Variants in GABPB1 observed in about 807,000 individuals in gnomAD.
GABPB1 encodes the protein GA-binding protein subunit beta-1.
GABPB1 carries 15 observed loss-of-function variants against 45.9 expected under a neutral mutation model. The observed-to-expected ratio is 0.33, with a 90% CI of 0.22 to 0.50. The LOEUF (loss-of-function observed/expected upper bound fraction) is 0.50. GABPB1 is among the 20% of genes least tolerant of loss of function. The pLI, the probability that GABPB1 is intolerant of heterozygous loss-of-function variation, is 0.98. For synonymous variants in GABPB1, 143 were observed against 154.4 expected, an observed-to-expected ratio of 0.93 and a Z score of 0.55; for missense variants, 252 against 457.5, an observed-to-expected ratio of 0.55 and a Z score of 4.10.
intron 1 of GABPB1, among the ~76,000 whole-genome samples, chr15:50,345,561 G>GA (rs974263340): frequency 2.2e-4 from 34 of 151,704 alleles, no homozygotes; most frequent in Admixed American, 4.6e-4. Context: ...CCCTGTCTTC[G>GA]AAAAAAAAGT....
chr15:50,292,525 C>T (rs1230035360), intron 6 of GABPB1, among the ~76,000 whole-genome samples: 1 of 151,932 alleles, frequency 6.6e-6, no homozygotes, highest in African/African-American at 2.4e-5. Context: ...ATCATTCTAC[C>T]AAGTGGTCAT....
chr15:50,306,422 G>T (rs1442596539), intron 2 of GABPB1, among the ~76,000 whole-genome samples: 1 of 152,152 alleles, frequency 6.6e-6, no homozygotes, highest in African/African-American at 2.4e-5. Flanking sequence ...CTGAGGTCAG[G>T]AGTTCGAGAC....
At chr15:50,319,425 C>A (rs1479283164) in intron 1 of GABPB1, among the ~76,000 whole-genome samples, 2 of 152,116 alleles carry the variant, frequency 1.3e-5, no homozygotes, top group African/African-American at 4.8e-5. Context: ...CAACCCTTGC[C>A]CCTCTGCCAC....
At chr15:50,312,709 A>G (rs1263337259) in intron 1 of GABPB1, among the ~76,000 whole-genome samples, 2 of 152,222 alleles carry the variant, frequency 1.3e-5, no homozygotes, top group Non-Finnish European at 2.9e-5. Flanking sequence ...TATCTTTCCA[A>G]AAATCTACAT....
At chr15:50,288,252 C>T in intron 7 of GABPB1, among the ~76,000 whole-genome samples, 1 of 152,084 alleles carries the variant, frequency 6.6e-6, no homozygotes, top group Non-Finnish European at 1.5e-5. Flanking sequence ...AGATGAGTAT[C>T]ATTGTGTTGC....
rs189179973 is a variant in GABPB1 at position 50,303,243 on chromosome 15, T to C, written c.277-120A>G. On this transcript the variant is annotated intron_variant, in intron 3 of 8. Transcript: ENST00000380877. ...CAAATAATGTAGTCAATTATTTATA[T>C]GTATATGTTAAATAGATGTTCCAGG... 313 of 774,898 alleles carry C rather than the reference T, an allele frequency of 4.0e-4. 3 individuals are homozygous for C. In the African/African-American group the frequency reaches 5.1e-3, roughly 13 times the overall value. The allele number at this position is 774,898 out of a possible 1,614,324, so 48.0% of individuals were successfully genotyped here.
At chr15:50,291,917 C>CAAAAA (rs1369368939) in intron 6 of GABPB1, among the ~76,000 whole-genome samples, 10 of 83,410 alleles carry the variant, frequency 1.2e-4, no homozygotes, top group Non-Finnish European at 2.7e-4. Context: ...GACTCTGTCT[C>CAAAAA]AAAAAAAAAA....
rs531235744 is a variant in GABPB1 at position 50,338,400 on chromosome 15, TTC to T, written c.-1+16583_-1+16584del. 2.8e-4 allele frequency among the ~76,000 whole-genome samples: 43 copies of T among 152,174 alleles called. 1 individual carries two copies. The South Asian group carries it at 8.9e-3, about 32-fold the overall frequency. ...ACTCCTTGTCTCCATTAGGTTAAAC[TTC>T]TTTGTCTTATATACAGTTACTCCCA... On this transcript the variant is annotated intron_variant, in intron 1 of 8. Transcript: ENST00000380877.
chr15:50,303,264 C>T (rs1432398029), intron 3 of GABPB1, 141 bp from the exon 4 acceptor site: 1 of 701,256 alleles, frequency 1.4e-6, no homozygotes, highest in Non-Finnish European at 2.3e-6. Flanking sequence ...AATAGATGTT[C>T]CAGGCCAGGT....
At chr15:50,279,287 T>C (rs1226307702) in intron 8 of GABPB1, among the ~76,000 whole-genome samples, 2 of 152,202 alleles carry the variant, frequency 1.3e-5, no homozygotes, top group Non-Finnish European at 2.9e-5. Flanking sequence ...TGCTCAGGGA[T>C]GATGTAGCTC....
chr15:50,340,492 C>G (rs2048312854), intron 1 of GABPB1, among the ~76,000 whole-genome samples: 1 of 143,960 alleles, frequency 6.9e-6, no homozygotes. Flanking sequence ...ACAACCCCAA[C>G]AAGTTATTAC....
At chr15:50,314,133 G>C (rs2047225050) in intron 1 of GABPB1, among the ~76,000 whole-genome samples, 1 of 151,986 alleles carries the variant, frequency 6.6e-6, no homozygotes, top group Non-Finnish European at 1.5e-5. Context: ...AAGTTACTCT[G>C]GTTTTAAAAT....
In GABPB1 at chr15:50,282,659, G is replaced by T. The variant is rs2046024497; in HGVS notation, c.999+3409C>A. On this transcript the variant is annotated intron_variant, in intron 8 of 8. Coordinates refer to ENST00000380877, the MANE Select transcript of GABPB1 (RefSeq NM_016654.5). ...TAAAAAAAAAAGATTGAAAAGCTTT[G>T]CATCAAATAAAACATTTTATAAAGT... 2.7e-5 allele frequency among the ~76,000 whole-genome samples: 4 copies of T among 149,642 alleles called. No individual in the cohort carries two copies. The Admixed American group carries it at 2.7e-4, about 10-fold the overall frequency.
rs183246371 is a variant in GABPB1, at chr15:50,345,751, G to A, written c.-1+9234C>T. On this transcript the variant is annotated intron_variant, in intron 1 of 8. Coordinates refer to ENST00000380877, the MANE Select transcript of GABPB1 (RefSeq NM_016654.5). Reference sequence around the variant, plus strand: ...TTTTTAGATGGAGTCTCGCTCTGTCGCCTAGTCTGGAGTGCAGTGGTGCGA... The same window carrying A: ...TTTTTAGATGGAGTCTCGCTCTGTCACCTAGTCTGGAGTGCAGTGGTGCGA... Among the ~76,000 whole-genome samples, 820 of 151,162 alleles carry A rather than the reference G, an allele frequency of 5.4e-3. 6 individuals are homozygous for A. Among genetic ancestry groups the A allele is most frequent in the African/African-American group, 0.019 (784 of 41,142 alleles).
intron 1 of GABPB1, among the ~76,000 whole-genome samples, chr15:50,343,581 A>T (rs558144977): frequency 6.6e-6 from 1 of 151,732 alleles, no homozygotes; most frequent in Non-Finnish European, 1.5e-5. Flanking sequence ...CTCTGTCACC[A>T]GGCTGGAGGT....
intron 1 of GABPB1, among the ~76,000 whole-genome samples, chr15:50,339,145 CCT>C (rs1455226789): frequency 6.6e-6 from 1 of 152,076 alleles, no homozygotes; most frequent in Non-Finnish European, 1.5e-5. Context: ...ATGGTGAAAC[CCT>C]GTCTGTACTA....
intron 1 of GABPB1, among the ~76,000 whole-genome samples, chr15:50,344,200 T>C (rs1425688966): frequency 6.6e-6 from 1 of 152,226 alleles, no homozygotes; most frequent in Non-Finnish European, 1.5e-5. Context: ...TTGATAATGT[T>C]AAACAGTAAG....
chr15:50,308,637 G>A (rs1163307865), intron 2 of GABPB1, among the ~76,000 whole-genome samples: 1 of 152,144 alleles, frequency 6.6e-6, no homozygotes, highest in Admixed American at 6.6e-5. Flanking sequence ...AAGCCAGTGA[G>A]GTGGAAAAAC....
At chr15:50,319,173 G>A (rs11852487) in intron 1 of GABPB1, among the ~76,000 whole-genome samples, 71,626 of 152,004 alleles carry the variant, frequency 0.47, 18,293 homozygotes, top group Middle Eastern at 0.65. Flanking sequence ...TGGGAAAGAG[G>A]GTTCTGGGGT....
Sources: gnomAD v4.1 joint callset for allele counts (sites outside exome capture counted in the v4.1 genomes callset) on GRCh38, gnomAD v4.1.1 for gene constraint, MANE v1.5 for transcripts, NCBI Gene and HGNC (gene_info 2026-07-23, HGNC 2026-07-21) for gene names.